The following TTN variants were observed in gnomAD, a reference collection of about 807,000 sequenced individuals.
TTN encodes titin, also known as connectin.
TTN carries 1,525 observed loss-of-function variants against 3,223.0 expected under a neutral mutation model. The observed-to-expected ratio is 0.47, with a 90% CI of 0.45 to 0.49. TTN has a LOEUF of 0.49. TTN is among the 20% of genes least tolerant of loss of function. The probability of loss-of-function intolerance (pLI) is 0.00; values close to 1 mark genes in which losing one functional copy is unlikely to be tolerated. For synonymous variants in TTN, 14,094 were observed against 15,161.0 expected (o/e 0.93, Z 5.17); for missense variants, 40,786 against 43,424.0 (o/e 0.94, Z 5.40).
intron 47 of TTN, chr2:178,746,819 A>G: frequency 6.2e-7 from 1 of 1,613,368 alleles, no homozygotes; most frequent in South Asian, 1.1e-5. Context: ...GTTTTCATAT[A>G]CCTTCCTTTT....
rs752780850 is a variant in TTN, at chr2:178,734,802, A to C, written c.15122T>G (p.Ile5041Ser). Residue 5041 changes from isoleucine (I) to serine (S), a missense_variant, in exon 51 of 363, where the codon ATT (isoleucine) becomes AGT (serine). Coordinates refer to ENST00000589042, the MANE Select transcript of TTN (RefSeq NM_001267550.2). ...ACTGTCTTCAACTTTTACATCCGTAATATCAAGTATAGCCTCAGAATTGAC... is the reference window on the plus strand; with the variant it reads ...ACTGTCTTCAACTTTTACATCCGTACTATCAAGTATAGCCTCAGAATTGAC... ...YFVNSEAILDITDVKVEDSGS... is the reference protein window; with the variant it reads ...YFVNSEAILDSTDVKVEDSGS... 4.3e-6 allele frequency: 7 copies of C among 1,613,726 alleles called. No individual in the cohort carries two copies. Among genetic ancestry groups the C allele is most frequent in the Non-Finnish European group, 5.9e-6 (7 of 1,179,780 alleles).
Position 178,780,138 on chromosome 2 carries a change from A to G in TTN, c.3591T>C (p.Val1197=). 6.2e-7 allele frequency: 1 copy of G among 1,613,830 alleles called. No homozygotes were observed. Among genetic ancestry groups the G allele is most frequent in the Non-Finnish European group, 8.5e-7 (1 of 1,179,864 alleles). The change falls in exon 22 of 363, where the codon GTT becomes GTC. Residue 1197 remains valine, a synonymous_variant. Coordinates refer to ENST00000589042, the MANE Select transcript of TTN (RefSeq NM_001267550.2). ...CTGTTTCTCCAACTTTAGGTTCTTG[A>G]ACAAATGCAGTCACTTGTGTCTGAT... The part of the protein sequence containing the change: ...MLYQTQVTAF[V]QEPKVGETAP...
chr2:178,752,979 C>A (rs549344251), intron 47 of TTN, 145 bp downstream of exon 47: 3 of 498,458 alleles, frequency 6.0e-6, no homozygotes, highest in Non-Finnish European at 1.0e-5. Flanking sequence ...ACCAAGCATG[C>A]GACATAGTAA....
chr2:178,528,104 T>C, intron 361 of TTN, 170 bp downstream of exon 361: 1 of 743,144 alleles, frequency 1.3e-6, no homozygotes, highest in Non-Finnish European at 2.1e-6. Flanking sequence ...CAAGTTTCTG[T>C]GTAGCTATAA....
rs781006271 is a variant in TTN, at chr2:178,542,708, C to T, written c.97146G>A (p.Lys32382=). ...RDTGEYTLEL[K]NVTGTTSETI... is the part of the protein sequence containing the mutation. ...TTTCTGAAGTAGTTCCGGTAACATT[C>T]TTCAATTCAAGTGTGTATTCTCCAG... The change falls in exon 348 of 363, where the codon AAG becomes AAA. Residue 32382 remains lysine, a synonymous_variant. Transcript: ENST00000589042. 5 of 1,613,786 alleles carry T rather than the reference C, an allele frequency of 3.1e-6. No homozygotes were observed. The highest frequency in any genetic ancestry group is 2.5e-6 in the Non-Finnish European group (3 of 1,179,744).
rs369452419 is a variant in TTN, at chr2:178,747,726, C to T, written c.11311+5398G>A. 3.7e-6 allele frequency: 6 copies of T among 1,611,656 alleles called. No individual in the cohort carries two copies. In the African/African-American group the frequency reaches 5.3e-5, roughly 14 times the overall value. ...TCTGCTGCCTCAGTGGTATGTGCCTCATCTAATTTAGGAATATTTTGAGAA... is the reference window on the plus strand; with the variant it reads ...TCTGCTGCCTCAGTGGTATGTGCCTTATCTAATTTAGGAATATTTTGAGAA... On this transcript the variant is annotated intron_variant, in intron 47 of 362. Transcript: ENST00000589042.
rs2049556477 is a variant in TTN, at chr2:178,588,556, C to A, written c.63169G>T (p.Val21057Leu). 2 of 1,530,316 alleles carry A rather than the reference C, an allele frequency of 1.3e-6. No homozygotes were observed. The highest frequency in any genetic ancestry group is 1.8e-6 in the Non-Finnish European group (2 of 1,142,648). The allele number at this position is 1,530,316 out of a possible 1,614,324, so 94.8% of individuals were successfully genotyped here. A position where few individuals can be genotyped will look rare whatever the true frequency, so the allele number is the denominator to read the frequency against. The change falls in exon 304 of 363, where the codon GTG becomes TTG. Residue 21057 changes from valine (V) to leucine (L), a missense_variant. Val to Leu is a conservative substitution (Grantham distance 32). Coordinates refer to ENST00000589042, the MANE Select transcript of TTN (RefSeq NM_001267550.2). ...ATCCTACCTATGGGGTCTTTTGCCA[C>A]CACCGGTCTTGAAGGCAAGCTTGGT... The part of the protein sequence containing the change: ...GEPSLPSRPV[V>L]AKDPIEPPGP...
At position 178,601,186 on chromosome 2, in the gene TTN, A is replaced by G. The variant is rs765730846; in HGVS notation, c.55733-15T>C. On this transcript the variant is annotated splice_polypyrimidine_tract_variant and intron_variant, in intron 287 of 362. Coordinates refer to ENST00000589042, the MANE Select transcript of TTN (RefSeq NM_001267550.2). Reference sequence around the variant, plus strand: ...ATCAGGAGGATCTGTAAAAATAATTAAAGGAAGTATTAAGCGTTGTTTATA... The same window carrying G: ...ATCAGGAGGATCTGTAAAAATAATTGAAGGAAGTATTAAGCGTTGTTTATA... 6.6e-7 allele frequency: 1 copy of G among 1,521,088 alleles called. No individual in the cohort carries two copies. Among genetic ancestry groups the G allele is most frequent in the Non-Finnish European group, 8.8e-7 (1 of 1,138,398 alleles). The allele number at this position is 1,521,088 out of a possible 1,614,324, so 94.2% of individuals were successfully genotyped here. A position where few individuals can be genotyped will look rare whatever the true frequency, so the allele number is the denominator to read the frequency against.
rs374533512 is a variant in TTN, at chr2:178,746,152, T to C, written c.11312-4231A>G. Reference sequence around the variant, plus strand: ...TATTATCTGGCTCAATACACATATATTCTTTATACCACTTAACTTCGGGAG... The same window carrying C: ...TATTATCTGGCTCAATACACATATACTCTTTATACCACTTAACTTCGGGAG... On this transcript the variant is annotated intron_variant, in intron 47 of 362. Transcript: ENST00000589042. 158 of 1,613,272 alleles carry C rather than the reference T, an allele frequency of 9.8e-5. No homozygotes were observed. Among genetic ancestry groups the C allele is most frequent in the Non-Finnish European group, 1.3e-4 (151 of 1,179,570 alleles).
rs368124487 is a variant in TTN at position 178,573,059 on chromosome 2, T to A, written c.73073A>T (p.Tyr24358Phe). ...CTCTGGCAGGGCAATCTCAACCATA[T>A]ACCCAGTGATTTCTGAACCACCATC... is the stretch of plus-strand genomic sequence containing the variant. Reference protein sequence around the residue: ...IYDGGSEITGYMVEIALPEED... With the variant: ...IYDGGSEITGFMVEIALPEED... The change falls in exon 326 of 363, where the codon TAT becomes TTT. Residue 24358 changes from tyrosine (Y) to phenylalanine (F), a missense_variant. Transcript: ENST00000589042. 1.0e-4 allele frequency: 162 copies of A among 1,613,118 alleles called. No individual in the cohort carries two copies. Among genetic ancestry groups the A allele is most frequent in the Non-Finnish European group, 1.3e-4 (156 of 1,179,536 alleles).
At chr2:178,650,975 T>C (rs1008827752) in intron 208 of TTN, 141 bp from the exon 209 acceptor site, 31 of 933,112 alleles carry the variant, frequency 3.3e-5, no homozygotes, top group Non-Finnish European at 5.1e-5. Flanking sequence ...GATCTGTCTT[T>C]GGACCCTCAT....
chr2:178,641,348 A>G, intron 219 of TTN, 33 bp from the exon 220 acceptor site: 1 of 1,200,470 alleles, frequency 8.3e-7, no homozygotes, highest in Non-Finnish European at 1.2e-6. Flanking sequence ...ATGTAAACCA[A>G]GACAAACTAA....
At chr2:178,635,402 C>G (rs1447562447) in intron 227 of TTN, 38 bp downstream of exon 227, 3 of 1,603,398 alleles carry the variant, frequency 1.9e-6, no homozygotes, top group Non-Finnish European at 2.5e-6. Context: ...TACACATACG[C>G]AAAACTTATA....
chr2:178,744,594 A>G (rs2154322133), intron 47 of TTN: 1 of 922,332 alleles, frequency 1.1e-6, no homozygotes, highest in Non-Finnish European at 1.3e-6. Context: ...TAAAGATGAA[A>G]TTCAGTGAAA....
chr2:178,796,450 C>T (rs1223795606), intron 6 of TTN, among the ~76,000 whole-genome samples: 1 of 152,158 alleles, frequency 6.6e-6, no homozygotes, highest in Non-Finnish European at 1.5e-5. Context: ...TACATTACAA[C>T]ATTAACCAGT....
intron 47 of TTN, chr2:178,746,549 G>A (rs2083613496): frequency 6.2e-7 from 1 of 1,613,150 alleles, no homozygotes; most frequent in Non-Finnish European, 8.5e-7. Flanking sequence ...TGTTACTGGA[G>A]GTGGTAGTGC....
Position 178,527,079 on chromosome 2 carries a change from G to A in TTN, c.107909C>T (p.Thr35970Ile), listed in dbSNP as rs765869850. ...TCCAAATTCATTCCCTAAACTCAGG[G>A]TATAAAGTCCACCATCTTGTTTCTG... ...DVQKQDGGLY[T>I]LSLGNEFGSD... Residue 35970 changes from threonine to isoleucine, a missense_variant, in exon 363 of 363, where the codon ACC (threonine) becomes ATC (isoleucine). Physicochemically the swap from Thr to Ile is moderately conservative, Grantham distance 89. Coordinates refer to ENST00000589042, the MANE Select transcript of TTN (RefSeq NM_001267550.2). 1.9e-6 allele frequency: 3 copies of A among 1,613,930 alleles called. No individual in the cohort carries two copies. Among genetic ancestry groups the A allele is most frequent in the Non-Finnish European group, 2.5e-6 (3 of 1,179,856 alleles).
intron 33 of TTN, 151 bp downstream of exon 33, chr2:178,772,958 G>A (rs2091747926): frequency 2.2e-6 from 2 of 913,236 alleles, no homozygotes; most frequent in African/African-American, 1.7e-5. Flanking sequence ...TAGGCTGGTG[G>A]GAATGGTGTT....
chr2:178,629,546 G>A, intron 239 of TTN, 103 bp from the exon 240 acceptor site: 1 of 1,530,864 alleles, frequency 6.5e-7, no homozygotes, highest in Non-Finnish European at 8.9e-7. Context: ...TCTTCAAGAA[G>A]CCACAGGACT....
Sources: gnomAD v4.1 joint callset for allele counts (sites outside exome capture counted in the v4.1 genomes callset) on GRCh38, gnomAD v4.1.1 for gene constraint, MANE v1.5 for transcripts, NCBI Gene and HGNC (gene_info 2026-07-23, HGNC 2026-07-21) for gene names.